Variants in MYO1D observed in about 807,000 individuals in gnomAD.
MYO1D encodes unconventional myosin-Id.
In MYO1D, 83 loss-of-function variants were observed where a neutral mutation model predicts 122.0. That is an observed-to-expected ratio of 0.68 (90% CI 0.57 to 0.82). The LOEUF is 0.82. MYO1D is among the 40% of genes least tolerant of loss of function. The probability of loss-of-function intolerance (pLI) is 0.00; values close to 1 mark genes in which losing one functional copy is unlikely to be tolerated. For missense variants in MYO1D, 1,157 were observed against 1,269.5 expected (o/e 0.91, Z 1.35); for synonymous variants, 464 against 446.9 (o/e 1.04, Z -0.48).
intron 1 of MYO1D, among the ~76,000 whole-genome samples, chr17:32,837,652 T>C (rs1464215514): frequency 6.6e-6 from 1 of 152,164 alleles, no homozygotes; most frequent in Non-Finnish European, 1.5e-5. Flanking sequence ...CCATTTGGTA[T>C]TGATGCAGAC....
intron 21 of MYO1D, among the ~76,000 whole-genome samples, chr17:32,585,034 T>C (rs1278118510): frequency 6.6e-6 from 1 of 152,200 alleles, no homozygotes; most frequent in Non-Finnish European, 1.5e-5. Flanking sequence ...CAAAGAAGCC[T>C]CAGATGTGGA....
intron 6 of MYO1D, among the ~76,000 whole-genome samples, chr17:32,768,972 C>A (rs542428518): frequency 2.0e-3 from 312 of 152,246 alleles, no homozygotes; most frequent in Non-Finnish European, 2.9e-3. Context: ...CCAATCGAAC[C>A]CTGATTTGTT....
intron 13 of MYO1D, among the ~76,000 whole-genome samples, chr17:32,744,673 C>A (rs921073881): frequency 1.3e-5 from 2 of 152,172 alleles, no homozygotes; most frequent in Non-Finnish European, 2.9e-5. Flanking sequence ...TTTAAAGTAT[C>A]CATACTGGAT....
rs1189185112 is a variant in MYO1D at position 32,821,711 on chromosome 17, A to G, written c.96-40927T>C. On this transcript the variant is annotated intron_variant, in intron 1 of 21. Transcript: ENST00000318217. ...GGGGGGAAAAGTTTTTTCAGGGAAA[A>G]ACTCCTTTTACTTATAAGCATAGGA... Among the ~76,000 whole-genome samples, 3 of 152,156 alleles carry G rather than the reference A, an allele frequency of 2.0e-5. No individual in the cohort carries two copies. In the East Asian group the frequency reaches 5.8e-4, roughly 29 times the overall value.
intron 1 of MYO1D, among the ~76,000 whole-genome samples, chr17:32,845,588 T>C (rs2090929351): frequency 6.6e-6 from 1 of 152,190 alleles, no homozygotes. Flanking sequence ...GAGGGATGTA[T>C]CCAGGTTCTT....
chr17:32,534,041 T>G (rs1910588196), intron 21 of MYO1D, among the ~76,000 whole-genome samples: 1 of 152,230 alleles, frequency 6.6e-6, no homozygotes, highest in African/African-American at 2.4e-5. Context: ...TTAAATAGGA[T>G]AGTAATAGTA....
intron 1 of MYO1D, 63 bp downstream of exon 1, chr17:32,876,715 C>G: frequency 1.4e-6 from 2 of 1,380,726 alleles, no homozygotes; most frequent in Non-Finnish European, 1.9e-6. Flanking sequence ...GGCCGCGCCC[C>G]GAGGCGCCCC....
rs371513228 is a variant in MYO1D at position 32,678,472 on chromosome 17, T to C, written c.2122-19134A>G. ...CCCTTCCTGTGTCCATGTGATCTCATTGTTCAATTCCCACCTATGAGTGAG... is the reference window on the plus strand; with the variant it reads ...CCCTTCCTGTGTCCATGTGATCTCACTGTTCAATTCCCACCTATGAGTGAG... On this transcript the variant is annotated intron_variant, in intron 16 of 21. Transcript: ENST00000318217. 1.8e-3 allele frequency among the ~76,000 whole-genome samples: 267 copies of C among 145,746 alleles called. 2 individuals carry two copies. Among genetic ancestry groups the C allele is most frequent in the Middle Eastern group, 0.01 (3 of 292 alleles).
intron 21 of MYO1D, among the ~76,000 whole-genome samples, chr17:32,579,245 T>C (rs1170232348): frequency 6.6e-6 from 1 of 152,028 alleles, no homozygotes; most frequent in Non-Finnish European, 1.5e-5. Flanking sequence ...TTTTTAAATT[T>C]TTTTGTAGAG....
intron 21 of MYO1D, among the ~76,000 whole-genome samples, chr17:32,567,118 G>C (rs2087181348): frequency 6.6e-6 from 1 of 152,062 alleles, no homozygotes; most frequent in Non-Finnish European, 1.5e-5. Context: ...AGGATGCTGG[G>C]AAAGGGCAAC....
At chr17:32,557,429 T>C (rs1567889253) in intron 21 of MYO1D, among the ~76,000 whole-genome samples, 1 of 152,096 alleles carries the variant, frequency 6.6e-6, no homozygotes, top group Non-Finnish European at 1.5e-5. Context: ...TTAGTAAAGG[T>C]GGCCAAACTG....
rs748495676 is a variant in MYO1D, at chr17:32,659,283, G to C, written c.2177C>G (p.Thr726Arg). The C allele has an allele frequency of 2.7e-5, 44 of 1,614,130 alleles. No individual in the cohort carries two copies. The highest frequency in any genetic ancestry group is 3.5e-5 in the Non-Finnish European group (41 of 1,180,050). The change falls in exon 17 of 22, where the codon ACA becomes AGA. Residue 726 changes from threonine (T) to arginine (R), a missense_variant. Thr to Arg is a moderately conservative substitution (Grantham distance 71). Transcript: ENST00000318217. ...GTAGCGCCGGTAGTACCTGATTATT[G>C]TCAGAGCTGCCTTGGTTCTTTTGTA... ...MRYKRTKAAL[T>R]IIRYYRRYKV...
intron 11 of MYO1D, among the ~76,000 whole-genome samples, chr17:32,751,347 G>C (rs528983531): frequency 8.9e-4 from 135 of 152,212 alleles, no homozygotes; most frequent in Non-Finnish European, 1.4e-3. Context: ...AGTTCACAGT[G>C]ATTAAAATAT....
chr17:32,509,608 CAG>C (rs1567871048), intron 21 of MYO1D, among the ~76,000 whole-genome samples: 1 of 150,612 alleles, frequency 6.6e-6, no homozygotes, highest in Non-Finnish European at 1.5e-5. Context: ...TTTTTTGAGA[CAG>C]AGTCTTGCTC....
rs1910146589 is a variant in MYO1D at position 32,521,783 on chromosome 17, A to G, written c.2865-26868T>C. 3.3e-5 allele frequency among the ~76,000 whole-genome samples: 5 copies of G among 151,816 alleles called. No individual in the cohort carries two copies. In the South Asian group the frequency reaches 1.0e-3, roughly 32 times the overall value. On this transcript the variant is annotated intron_variant, in intron 21 of 21. Transcript: ENST00000318217. ...ACTAACATGGTGAAAACTCTTCTCT[A>G]CTAAAAATAAAAAAATTAGGCCAGG... is the stretch of plus-strand genomic sequence containing the variant.
chr17:32,804,514 C>G (rs2090492219), intron 1 of MYO1D, among the ~76,000 whole-genome samples: 2 of 152,188 alleles, frequency 1.3e-5, no homozygotes, highest in Admixed American at 1.3e-4. Flanking sequence ...CTTGACACCT[C>G]TAGCCTGGAG....
intron 6 of MYO1D, among the ~76,000 whole-genome samples, chr17:32,768,374 C>T (rs560744443): frequency 6.6e-6 from 1 of 152,330 alleles, no homozygotes; most frequent in Non-Finnish European, 1.5e-5. Context: ...AAAGATGAAT[C>T]GCCTGCCCTT....
chr17:32,680,811 A>G (rs986052410), intron 16 of MYO1D, among the ~76,000 whole-genome samples: 12 of 152,190 alleles, frequency 7.9e-5, no homozygotes, highest in African/African-American at 2.2e-4. Context: ...GATTGGAATC[A>G]TTTCAGAAGG....
At chr17:32,564,188 A>C (rs2087151561) in intron 21 of MYO1D, among the ~76,000 whole-genome samples, 1 of 152,232 alleles carries the variant, frequency 6.6e-6, no homozygotes, top group African/African-American at 2.4e-5. Flanking sequence ...AGCAGAGCCC[A>C]GGCTAACCTG....
Sources: gnomAD v4.1 joint callset for allele counts (sites outside exome capture counted in the v4.1 genomes callset) on GRCh38, gnomAD v4.1.1 for gene constraint, MANE v1.5 for transcripts, NCBI Gene and HGNC (gene_info 2026-07-23, HGNC 2026-07-21) for gene names.